The following VPS13A variants were observed in gnomAD, a reference collection of about 807,000 sequenced individuals.
VPS13A encodes vacuolar protein sorting 13 homolog A, also known as intermembrane lipid transfer protein VPS13A.
Under a neutral mutation model 390.9 loss-of-function variants are expected in VPS13A, and 264 were observed. The ratio of observed to expected loss-of-function variants is 0.68; its 90% CI spans 0.61 to 0.75. The LOEUF is 0.75. VPS13A is among the 30% of genes least tolerant of loss of function. VPS13A has a pLI of 0.00. For synonymous variants in VPS13A, 1,231 were observed against 1,227.1 expected, an observed-to-expected ratio of 1.00 and a Z score of -0.07; for missense variants, 3,409 against 3,733.9, an observed-to-expected ratio of 0.91 and a Z score of 2.27.
chr9:77,395,121 C>T (rs368189356), intron 68 of VPS13A, among the ~76,000 whole-genome samples: 12 of 152,286 alleles, frequency 7.9e-5, no homozygotes, highest in African/African-American at 2.6e-4. Flanking sequence ...GAGGTACTAC[C>T]TTTCAGTCTA....
intron 1 of VPS13A, among the ~76,000 whole-genome samples, chr9:77,189,087 C>T (rs1379944522): frequency 6.9e-6 from 1 of 145,784 alleles, no homozygotes; most frequent in Middle Eastern, 3.4e-3. Context: ...TGGACAGTTT[C>T]ATTTGCTGTG....
At chr9:77,342,431 T>C (rs2131514281) in intron 50 of VPS13A, among the ~76,000 whole-genome samples, 1 of 151,786 alleles carries the variant, frequency 6.6e-6, no homozygotes, top group Non-Finnish European at 1.5e-5. Flanking sequence ...AGTACTTATG[T>C]GTGAATAAGT....
intron 1 of VPS13A, 70 bp downstream of exon 1, chr9:77,177,874 C>T (rs1229066223): frequency 7.0e-7 from 1 of 1,422,358 alleles, no homozygotes; most frequent in Admixed American, 1.9e-5. Flanking sequence ...CGAGCGGCGT[C>T]CTGCGTTCTC....
intron 62 of VPS13A, among the ~76,000 whole-genome samples, chr9:77,368,914 A>G (rs1832591119): frequency 6.6e-6 from 1 of 152,188 alleles, no homozygotes; most frequent in Admixed American, 6.5e-5. Flanking sequence ...CTGGTGGATC[A>G]CTTGAGGCCA....
intron 68 of VPS13A, among the ~76,000 whole-genome samples, chr9:77,402,827 G>A (rs746073513): frequency 1.3e-5 from 2 of 152,136 alleles, no homozygotes; most frequent in Non-Finnish European, 2.9e-5. Flanking sequence ...TCTAGCGCAA[G>A]GCAGAAGCTA....
intron 68 of VPS13A, chr9:77,395,838 A>G (rs956424081): frequency 6.6e-6 from 1 of 152,212 alleles, no homozygotes; most frequent in African/African-American, 2.4e-5. Flanking sequence ...GATTTTAAGA[A>G]TTTAAAAAAG....
chr9:77,377,172 T>TA (rs1833127668), intron 67 of VPS13A, among the ~76,000 whole-genome samples: 1 of 150,074 alleles, frequency 6.7e-6, no homozygotes, highest in Non-Finnish European at 1.5e-5. Flanking sequence ...TACTTCTTTT[T>TA]AAAAACTTAT....
chr9:77,408,627 G>C (rs1364798125), intron 71 of VPS13A, among the ~76,000 whole-genome samples: 2 of 152,200 alleles, frequency 1.3e-5, no homozygotes, highest in East Asian at 3.9e-4. Flanking sequence ...TTAGCAACCG[G>C]CACACCAGGA....
rs1027630935 is a variant in VPS13A, at chr9:77,303,125, A to G, written c.3960+63A>G. The G allele has an allele frequency of 6.4e-6, 10 of 1,560,324 alleles. No homozygotes were observed. In the African/African-American group the frequency reaches 9.5e-5, roughly 15 times the overall value. On this transcript the variant is annotated intron_variant, in intron 34 of 71. Coordinates refer to ENST00000360280, the MANE Select transcript of VPS13A (RefSeq NM_033305.3). ...TTGTTGAAAAATACTGCTTGGGGAC[A>G]TAAGGCATCATTTGAGTGGAATTTG...
At chr9:77,251,109 AATTAT>A (rs1257858314) in intron 21 of VPS13A, among the ~76,000 whole-genome samples, 1 of 152,214 alleles carries the variant, frequency 6.6e-6, no homozygotes, top group African/African-American at 2.4e-5. Flanking sequence ...TTATTTCTTC[AATTAT>A]ATTTGCTTCA....
At chr9:77,344,011 G>A in intron 50 of VPS13A, 142 bp from the exon 51 acceptor site, 1 of 765,486 alleles carries the variant, frequency 1.3e-6, no homozygotes, top group Admixed American at 2.9e-5. Context: ...GTTTACAGCT[G>A]TTTAAACAAC....
chr9:77,409,709 A>T (rs1200848520), intron 71 of VPS13A, among the ~76,000 whole-genome samples: 1 of 151,136 alleles, frequency 6.6e-6, no homozygotes, highest in East Asian at 2.1e-4. Context: ...GTGATGGAAG[A>T]TGAAATGAAT....
chr9:77,334,452 C>T (rs1264503523), intron 46 of VPS13A, among the ~76,000 whole-genome samples: 1 of 151,974 alleles, frequency 6.6e-6, no homozygotes, highest in Non-Finnish European at 1.5e-5. Context: ...TTGAACTTTC[C>T]TTTGACGTTT....
intron 68 of VPS13A, among the ~76,000 whole-genome samples, chr9:77,401,515 T>G (rs1393932899): frequency 6.6e-6 from 1 of 152,196 alleles, no homozygotes; most frequent in Admixed American, 6.5e-5. Context: ...TTCTGCACAG[T>G]ATTTATTAAA....
At chr9:77,242,934 C>T (rs941432515) in intron 19 of VPS13A, among the ~76,000 whole-genome samples, 2 of 151,336 alleles carry the variant, frequency 1.3e-5, no homozygotes, top group Non-Finnish European at 2.9e-5. Context: ...TTTTCTATAC[C>T]AATAGTATAA....
intron 1 of VPS13A, among the ~76,000 whole-genome samples, chr9:77,184,003 T>G (rs942600028): frequency 6.6e-6 from 1 of 152,254 alleles, no homozygotes; most frequent in Non-Finnish European, 1.5e-5. Flanking sequence ...AGAGATGAGC[T>G]CATTTCCTCC....
chr9:77,384,631 GTGATGATGATGA>G (rs113052866), intron 68 of VPS13A: 29 of 1,606,000 alleles, frequency 1.8e-5, no homozygotes, highest in Admixed American at 8.4e-5. Context: ...AGTAGCAGTA[GTGATGATGATGA>G]TGATGATGAT....
At position 77,321,576 on chromosome 9, in the gene VPS13A, C is replaced by A. The variant is rs971776331; in HGVS notation, c.5660C>A (p.Thr1887Asn). The A allele has an allele frequency of 6.2e-7, 1 of 1,613,460 alleles. No homozygotes were observed. Among genetic ancestry groups the A allele is most frequent in the Non-Finnish European group, 8.5e-7 (1 of 1,179,624 alleles). ...ATGATTTTAAATTCCCTTGGACTTACTATTTCTGTTTCGCCAAGTGATTCT... is the reference window on the plus strand; with the variant it reads ...ATGATTTTAAATTCCCTTGGACTTAATATTTCTGTTTCGCCAAGTGATTCT... ...PFMILNSLGL[T>N]ISVSPSDSFS... The change falls in exon 44 of 72, where the codon ACT becomes AAT. Residue 1887 changes from threonine to asparagine, a missense_variant. By Grantham distance (65) the Thr-to-Asn change is moderately conservative (BLOSUM62 0). Transcript: ENST00000360280.
chr9:77,295,508 A>G (rs760158527), intron 32 of VPS13A, 34 bp from the exon 33 acceptor site: 18 of 1,514,630 alleles, frequency 1.2e-5, no homozygotes, highest in Non-Finnish European at 1.6e-5. Flanking sequence ...GTATTTATTA[A>G]TAACCTTAAG....
Sources: gnomAD v4.1 joint callset for allele counts (sites outside exome capture counted in the v4.1 genomes callset) on GRCh38, gnomAD v4.1.1 for gene constraint, MANE v1.5 for transcripts, NCBI Gene and HGNC (gene_info 2026-07-23, HGNC 2026-07-21) for gene names.